SLC22A15: variants seen among roughly 807,000 people sequenced by gnomAD.
SLC22A15 encodes the protein solute carrier family 22 member 15.
SLC22A15 carries 45 observed loss-of-function variants against 62.7 expected under a neutral mutation model. The ratio of observed to expected loss-of-function variants is 0.72; its 90% CI spans 0.56 to 0.92. The LOEUF is 0.92. SLC22A15 is among the 40% of genes least tolerant of loss of function. The probability of loss-of-function intolerance (pLI) is 0.00; values close to 1 mark genes in which losing one functional copy is unlikely to be tolerated. For missense variants in SLC22A15, 622 were observed against 665.6 expected (o/e 0.93, Z 0.72); for synonymous variants, 264 against 267.0 (o/e 0.99, Z 0.11).
Position 116,067,115 on chromosome 1 carries a change from C to T in SLC22A15, c.*7C>T, listed in dbSNP as rs748822085. On this transcript the variant is annotated 3_prime_UTR_variant, in exon 12 of 12. Transcript: ENST00000369503. ...GACTCAGATGATCAAGTGAAGAGCCCCAGATTCCCCCTAAGAAGCAAAGGA... is the reference window on the plus strand; with the variant it reads ...GACTCAGATGATCAAGTGAAGAGCCTCAGATTCCCCCTAAGAAGCAAAGGA... The T allele has an allele frequency of 1.7e-5, 27 of 1,605,156 alleles. No homozygotes were observed. The East Asian group carries it at 5.8e-4, about 35-fold the overall frequency.
rs915588420 is a variant in SLC22A15, at chr1:115,977,042, G to GC, written c.87+331dup. 3.3e-5 allele frequency among the ~76,000 whole-genome samples: 5 copies of GC among 152,194 alleles called. 1 individual carries two copies. In the East Asian group the frequency reaches 9.6e-4, roughly 29 times the overall value. On this transcript the variant is annotated intron_variant, in intron 1 of 11. Transcript: ENST00000369503. ...GGAGGGATGCAAAATTGTGTTACCT[G>GC]CCCTACGCTGTTGCCTATAACACGC...
intron 5 of SLC22A15, among the ~76,000 whole-genome samples, chr1:116,030,096 T>C (rs904927364): frequency 4.6e-5 from 7 of 152,238 alleles, no homozygotes; most frequent in Non-Finnish European, 1.0e-4. Flanking sequence ...AATGAAGAAG[T>C]AAATGGAAGG....
chr1:115,976,817 G>C, intron 1 of SLC22A15, 103 bp downstream of exon 1: 1 of 919,132 alleles, frequency 1.1e-6, no homozygotes, highest in South Asian at 1.4e-5. Flanking sequence ...CGAGGCCGAG[G>C]CTCTGCAAAC....
intron 9 of SLC22A15, 70 bp downstream of exon 9, chr1:116,062,952 G>C (rs989683935): frequency 6.4e-7 from 1 of 1,571,994 alleles, no homozygotes; most frequent in Non-Finnish European, 8.7e-7. Context: ...ACCAACAGAG[G>C]TGTGGTACTC....
intron 1 of SLC22A15, among the ~76,000 whole-genome samples, chr1:115,981,620 T>G (rs2101049874): frequency 6.6e-6 from 1 of 152,284 alleles, no homozygotes; most frequent in Middle Eastern, 3.4e-3. Flanking sequence ...TGTTGATCTA[T>G]TAGACAGATT....
intron 2 of SLC22A15, among the ~76,000 whole-genome samples, chr1:116,014,307 C>A (rs1489119573): frequency 2.0e-5 from 3 of 152,190 alleles, no homozygotes; most frequent in Non-Finnish European, 4.4e-5. Flanking sequence ...GCTATTGGTT[C>A]TGCCCCCAGT....
chr1:116,026,976 G>C lies in SLC22A15; in HGVS notation c.682G>C (p.Ala228Pro). Residue 228 changes from alanine to proline, a missense_variant, in exon 5 of 12, where the codon GCC becomes CCC. Ala to Pro is a conservative substitution (Grantham distance 27). Transcript: ENST00000369503. ...CTTCATCCGCTCCTGGAGGACCCTA[G>C]CCATTCTGGTTAACCTGCAGGGAAC... ...GYFIRSWRTL[A>P]ILVNLQGTVV... The C allele has an allele frequency of 6.2e-7, 1 of 1,613,906 alleles. No individual in the cohort carries two copies. The highest frequency in any genetic ancestry group is 8.5e-7 in the Non-Finnish European group (1 of 1,179,804).
At chr1:116,001,981 A>G (rs1053782281) in intron 2 of SLC22A15, among the ~76,000 whole-genome samples, 5 of 152,178 alleles carry the variant, frequency 3.3e-5, no homozygotes, top group Admixed American at 3.3e-4. Flanking sequence ...TTTCTTGAGA[A>G]GGCTTTCAAA....
At position 116,069,187 on chromosome 1, in the gene SLC22A15, A is replaced by G. The variant is rs1488331180; in HGVS notation, c.*2079A>G. On this transcript the variant is annotated 3_prime_UTR_variant, in exon 12 of 12. Coordinates refer to ENST00000369503, the MANE Select transcript of SLC22A15 (RefSeq NM_018420.3). ...CTACAATTTGAATATGTGTTACTTAATAAGGCTAGGCTGGCCATCAGTTGC... is the reference window on the plus strand; with the variant it reads ...CTACAATTTGAATATGTGTTACTTAGTAAGGCTAGGCTGGCCATCAGTTGC... The G allele has an allele frequency of 6.6e-6, 1 of 152,154 alleles. No homozygotes were observed. The highest frequency in any genetic ancestry group is 1.5e-5 in the Non-Finnish European group (1 of 68,028). 9.4% of individuals were successfully genotyped at this position (152,154 alleles called of 1,614,324 possible).
At chr1:116,039,572 T>C (rs1657729378) in intron 8 of SLC22A15, among the ~76,000 whole-genome samples, 1 of 152,104 alleles carries the variant, frequency 6.6e-6, no homozygotes, top group Admixed American at 6.6e-5. Flanking sequence ...TTATTTCTAT[T>C]TTTAATATTT....
intron 8 of SLC22A15, among the ~76,000 whole-genome samples, chr1:116,057,155 C>T (rs1235138424): frequency 1.3e-5 from 2 of 151,808 alleles, no homozygotes; most frequent in Non-Finnish European, 2.9e-5. Context: ...GCAACCTACT[C>T]ATCTGACAAA....
At chr1:116,033,245 T>A (rs1167662797) in intron 6 of SLC22A15, among the ~76,000 whole-genome samples, 3 of 152,244 alleles carry the variant, frequency 2.0e-5, no homozygotes, top group African/African-American at 7.2e-5. Context: ...AGTGCCTTTT[T>A]AAATAATTAT....
chr1:115,992,551 A>T (rs1202597886), intron 2 of SLC22A15, among the ~76,000 whole-genome samples: 3 of 152,130 alleles, frequency 2.0e-5, no homozygotes, highest in African/African-American at 4.8e-5. Flanking sequence ...ATCTCTCTTT[A>T]TTAAATATGC....
intron 8 of SLC22A15, among the ~76,000 whole-genome samples, chr1:116,053,490 A>G (rs1272535539): frequency 2.6e-5 from 4 of 152,256 alleles, no homozygotes; most frequent in Non-Finnish European, 4.4e-5. Flanking sequence ...GCAGGATATT[A>G]TCCAGGAGAA....
Position 116,062,848 on chromosome 1 carries a change from A to G in SLC22A15, c.1258A>G (p.Ile420Val), listed in dbSNP as rs1658415587. 8 of 1,613,746 alleles carry G rather than the reference A, an allele frequency of 5.0e-6. No homozygotes were observed. The highest frequency in any genetic ancestry group is 6.8e-6 in the Non-Finnish European group (8 of 1,179,790). ...TISAAFNIVY[I>V]YTSELYPTVI... is the part of the protein sequence containing the mutation. Reference sequence around the variant, plus strand: ...CAGTGCTGCCTTTAACATTGTTTATATCTACACCTCTGAGCTTTACCCTAC... The same window carrying G: ...CAGTGCTGCCTTTAACATTGTTTATGTCTACACCTCTGAGCTTTACCCTAC... The change falls in exon 9 of 12, where the codon ATC becomes GTC. Residue 420 changes from isoleucine to valine, a missense_variant. Transcript: ENST00000369503.
chr1:116,058,891 C>T (rs1658301888), intron 8 of SLC22A15, among the ~76,000 whole-genome samples: 1 of 152,152 alleles, frequency 6.6e-6, no homozygotes, highest in African/African-American at 2.4e-5. Context: ...TATGTTCTCA[C>T]TGATATGTGG....
chr1:116,032,679 A>G, intron 6 of SLC22A15: 4 of 971,010 alleles, frequency 4.1e-6, no homozygotes, highest in Non-Finnish European at 4.9e-6. Flanking sequence ...TCACAGATGC[A>G]TAATAAATGT....
chr1:116,016,727 T>G (rs951337325), intron 2 of SLC22A15, among the ~76,000 whole-genome samples: 1 of 151,926 alleles, frequency 6.6e-6, no homozygotes, highest in African/African-American at 2.4e-5. Context: ...ACCCAGAGAG[T>G]GGCTAAAATG....
At chr1:115,982,912 A>C (rs1050393016) in intron 1 of SLC22A15, among the ~76,000 whole-genome samples, 1 of 152,046 alleles carries the variant, frequency 6.6e-6, no homozygotes, top group South Asian at 2.1e-4. Flanking sequence ...ATATCTTTTC[A>C]CTTTTGTTTT....
Sources: allele counts gnomAD v4.1 joint callset (sites outside exome capture counted in the v4.1 genomes callset), GRCh38; gene constraint gnomAD v4.1.1; transcripts MANE v1.5; gene names NCBI Gene and HGNC (gene_info 2026-07-23, HGNC 2026-07-21).